MPDZ: variants seen among roughly 807,000 people sequenced by gnomAD.
The protein encoded by MPDZ is multiple PDZ domain crumbs cell polarity complex component, also known as multiple PDZ domain protein.
In MPDZ, 234 loss-of-function variants were observed where a neutral mutation model predicts 239.1. That is an observed-to-expected ratio of 0.98 (90% confidence interval 0.88 to 1.09). MPDZ has a LOEUF of 1.09. Ranked by LOEUF, MPDZ falls within the 50% of genes least tolerant of loss-of-function variation. MPDZ has a pLI of 0.00. For missense variants in MPDZ, 3,175 were observed against 2,510.0 expected (o/e 1.26, Z -5.66); for synonymous variants, 1,048 against 881.3 (o/e 1.19, Z -3.35).
chr9:13,116,675 C>T (rs1943505942), intron 39 of MPDZ, among the ~76,000 whole-genome samples: 4 of 152,032 alleles, frequency 2.6e-5, no homozygotes, highest in Admixed American at 2.6e-4. Context: ...GACCCTTTCA[C>T]CTACCTGTAA....
intron 1 of MPDZ, among the ~76,000 whole-genome samples, chr9:13,260,830 A>G (rs558236842): frequency 2.6e-5 from 4 of 152,308 alleles, no homozygotes; most frequent in African/African-American, 7.2e-5. Flanking sequence ...TCAACCTCCA[A>G]TACCATGAAA....
intron 46 of MPDZ, among the ~76,000 whole-genome samples, chr9:13,108,246 T>G (rs2130966923): frequency 6.6e-6 from 1 of 152,232 alleles, no homozygotes; most frequent in African/African-American, 2.4e-5. Flanking sequence ...GAAAAACGAC[T>G]TAACATATTA....
At chr9:13,111,108 T>TAAGTCGGAGGCTGGCA (rs1554639699) in intron 43 of MPDZ, among the ~76,000 whole-genome samples, 1 of 152,222 alleles carries the variant, frequency 6.6e-6, no homozygotes, top group African/African-American at 2.4e-5. Flanking sequence ...GATGTGACTC[T>TAAGTCGGAGGCTGGCA]AAGTCGGAGG....
chr9:13,137,910 A>G, intron 29 of MPDZ, 47 bp downstream of exon 29: 2 of 1,571,554 alleles, frequency 1.3e-6, no homozygotes, highest in Non-Finnish European at 1.7e-6. Context: ...CAGTTCCATT[A>G]CCCTTATAAA....
At chr9:13,226,850 A>G (rs1318392174) in intron 3 of MPDZ, among the ~76,000 whole-genome samples, 2 of 152,252 alleles carry the variant, frequency 1.3e-5, no homozygotes, top group East Asian at 3.9e-4. Context: ...ATTGGCAGAA[A>G]AAAAATGTTT....
rs761158317 is a variant in MPDZ at position 13,119,528 on chromosome 9, G to C, written c.5353C>G (p.Gln1785Glu). 2 of 1,612,764 alleles carry C rather than the reference G, an allele frequency of 1.2e-6. No individual in the cohort carries two copies. Among genetic ancestry groups the C allele is most frequent in the Non-Finnish European group, 1.7e-6 (2 of 1,179,414 alleles). Residue 1785 changes from glutamine to glutamate, a missense_variant, in exon 39 of 47, where the codon CAA becomes GAA. Gln to Glu is a conservative substitution (Grantham distance 29). Coordinates refer to ENST00000319217, the MANE Select transcript of MPDZ (RefSeq NM_001378778.1). The part of the protein sequence containing the change: ...VNGEDVRNAT[Q>E]EAVAALLKCS... Reference sequence around the variant, plus strand: ...TTTAGCAAAGCGGCAACCGCTTCTTGGGTGGCATTACGAACGTCTTCCCCA... The same window carrying C: ...TTTAGCAAAGCGGCAACCGCTTCTTCGGTGGCATTACGAACGTCTTCCCCA...
chr9:13,271,653 T>G (rs964016679), intron 1 of MPDZ, among the ~76,000 whole-genome samples: 1 of 152,202 alleles, frequency 6.6e-6, no homozygotes, highest in African/African-American at 2.4e-5. Context: ...TTAGTTTTAA[T>G]TCACAGGCCT....
chr9:13,126,550 T>C lies in MPDZ; in HGVS notation c.4598A>G (p.Asp1533Gly). Residue 1533 changes from aspartate to glycine, a missense_variant, in exon 34 of 47, where the codon GAT (aspartate) becomes GGT (glycine). Asp to Gly is a moderately conservative substitution (Grantham distance 94). Transcript: ENST00000319217. ...AGGGTAACCAACAACAATTTCATCA[T>C]CTACAGCCAGTATCTGATCTCCGAC... Reference protein sequence around the residue: ...LKVGDQILAVDDEIVVGYPIE... With the variant: ...LKVGDQILAVGDEIVVGYPIE... The C allele has an allele frequency of 1.9e-6, 3 of 1,581,184 alleles. No individual in the cohort carries two copies. The highest frequency in any genetic ancestry group is 2.6e-6 in the Non-Finnish European group (3 of 1,162,202).
chr9:13,216,573 G>C (rs1460586670), intron 10 of MPDZ, among the ~76,000 whole-genome samples: 1 of 151,898 alleles, frequency 6.6e-6, no homozygotes, highest in Non-Finnish European at 1.5e-5. Context: ...GTTTGGAACT[G>C]AGATGAGTAA....
At chr9:13,127,944 T>C (rs1563857528) in intron 32 of MPDZ, among the ~76,000 whole-genome samples, 1 of 152,202 alleles carries the variant, frequency 6.6e-6, no homozygotes, top group African/African-American at 2.4e-5. Context: ...TAATAATACT[T>C]GTCACATAAC....
At chr9:13,233,541 G>A (rs1963136972) in intron 3 of MPDZ, among the ~76,000 whole-genome samples, 1 of 152,038 alleles carries the variant, frequency 6.6e-6, no homozygotes, top group South Asian at 2.1e-4. Flanking sequence ...AATTATGAGT[G>A]CTGATCATTT....
intron 9 of MPDZ, 113 bp downstream of exon 9, chr9:13,217,067 T>C: frequency 2.3e-6 from 2 of 873,658 alleles, no homozygotes; most frequent in Non-Finnish European, 3.5e-6. Context: ...AAGGAAGTTT[T>C]CAACCAGTTT....
chr9:13,203,967 A>C (rs1204885054), intron 12 of MPDZ, among the ~76,000 whole-genome samples: 1 of 152,144 alleles, frequency 6.6e-6, no homozygotes, highest in Non-Finnish European at 1.5e-5. Flanking sequence ...TTTACTTATT[A>C]GTGTAAAAAT....
At chr9:13,260,375 G>A (rs565193807) in intron 1 of MPDZ, among the ~76,000 whole-genome samples, 7 of 152,284 alleles carry the variant, frequency 4.6e-5, no homozygotes, top group African/African-American at 1.4e-4. Flanking sequence ...AGGTAAGGAA[G>A]ATGGGTTTAG....
Position 13,123,087 on chromosome 9 carries a change from C to T in MPDZ, c.4953+66G>A, listed in dbSNP as rs143008363. The T allele has an allele frequency of 9.2e-5, 136 of 1,474,686 alleles. 2 individuals are homozygous for T. In the African/African-American group the frequency reaches 1.7e-3, roughly 19 times the overall value. The allele number at this position is 1,474,686 out of a possible 1,614,324, so 91.4% of individuals were successfully genotyped here. A position where few individuals can be genotyped will look rare whatever the true frequency, so the allele number is the denominator to read the frequency against. Reference sequence around the variant, plus strand: ...TTTACTAGAACTGATAGAAATCTCCCCATAATCGTCTCTGAGGCCTGGCTG... The same window carrying T: ...TTTACTAGAACTGATAGAAATCTCCTCATAATCGTCTCTGAGGCCTGGCTG... On this transcript the variant is annotated intron_variant, in intron 36 of 46. Transcript: ENST00000319217.
At chr9:13,141,504 T>G (rs1349454525) in intron 27 of MPDZ, among the ~76,000 whole-genome samples, 1 of 152,140 alleles carries the variant, frequency 6.6e-6, no homozygotes, top group Non-Finnish European at 1.5e-5. Flanking sequence ...GAACCTATAG[T>G]TTTCCTATAT....
chr9:13,221,406 A>ACTAT lies in MPDZ; in HGVS notation c.838_841dup (p.Val281AspfsTer12). The ACTAT allele has an allele frequency of 2.5e-6, 4 of 1,610,756 alleles. No homozygotes were observed. Among genetic ancestry groups the ACTAT allele is most frequent in the Non-Finnish European group, 2.5e-6 (3 of 1,177,996 alleles). On this transcript the variant is annotated frameshift_variant, in exon 7 of 47. Coordinates refer to ENST00000319217, the MANE Select transcript of MPDZ (RefSeq NM_001378778.1). LOFTEE classifies it high-confidence loss of function. ...TACTCCTCCAGGCAGAATGGTTTTT[A>ACTAT]CTATCACACCAGTTGCTTTTCCTCC...
Position 13,168,375 on chromosome 9 carries a change from G to C in MPDZ, c.3245C>G (p.Pro1082Arg). The C allele has an allele frequency of 6.2e-7, 1 of 1,612,308 alleles. No individual in the cohort carries two copies. The highest frequency in any genetic ancestry group is 1.1e-5 in the South Asian group (1 of 90,868). Residue 1082 changes from proline (P) to arginine (R), a missense_variant, in exon 22 of 47, where the codon CCT becomes CGT. Pro to Arg is a moderately radical substitution (Grantham distance 103, BLOSUM62 -2). Transcript: ENST00000319217. ...AMLRRHSLIG[P>R]DIKITYVPAE... ...TTCAAATGATACTTACTTTATGTCA[G>C]GGCCAATGAGAGAATGTCTTCTCAA...
At chr9:13,264,558 A>G (rs1477034632) in intron 1 of MPDZ, among the ~76,000 whole-genome samples, 1 of 152,046 alleles carries the variant, frequency 6.6e-6, no homozygotes, top group Non-Finnish European at 1.5e-5. Context: ...CGACCCTCTG[A>G]AAGGTCTGAC....
Sources: gnomAD v4.1 joint callset for allele counts (sites outside exome capture counted in the v4.1 genomes callset) on GRCh38, gnomAD v4.1.1 for gene constraint, MANE v1.5 for transcripts, NCBI Gene and HGNC (gene_info 2026-07-23, HGNC 2026-07-21) for gene names.